Variants in ARHGAP21 observed in about 807,000 individuals in gnomAD.
ARHGAP21 encodes Rho GTPase activating protein 21.
In ARHGAP21, 38 loss-of-function variants were observed where a neutral mutation model predicts 164.6. The observed-to-expected ratio is 0.23, with a 90% CI of 0.18 to 0.30. ARHGAP21 has a LOEUF of 0.30. Ranked by LOEUF, ARHGAP21 falls within the 10% of genes least tolerant of loss-of-function variation. The pLI, the probability that ARHGAP21 is intolerant of heterozygous loss-of-function variation, is 1.00. For missense variants in ARHGAP21, 1,822 were observed against 2,370.7 expected (o/e 0.77, Z 4.81); for synonymous variants, 766 against 857.9 (o/e 0.89, Z 1.87).
intron 9 of ARHGAP21, among the ~76,000 whole-genome samples, chr10:24,608,367 TATCTC>T (rs1302599642): frequency 6.6e-6 from 1 of 152,184 alleles, no homozygotes. Context: ...TACACAAGTG[TATCTC>T]AATTTTTGAA....
At chr10:24,589,351 C>T in intron 24 of ARHGAP21, 49 bp from the exon 25 acceptor site, 1 of 1,523,356 alleles carries the variant, frequency 6.6e-7, no homozygotes, top group Non-Finnish European at 9.0e-7. Context: ...ATCTTTACTG[C>T]TTTCCACAAA....
At chr10:24,717,617 C>T (rs1014844030) in intron 2 of ARHGAP21, among the ~76,000 whole-genome samples, 36 of 151,948 alleles carry the variant, frequency 2.4e-4, no homozygotes, top group African/African-American at 8.7e-4. Context: ...AAGGACCTGA[C>T]AGGAGTTCAA....
chr10:24,722,753 C>T (rs981542126), intron 1 of ARHGAP21: 5 of 151,954 alleles, frequency 3.3e-5, no homozygotes, highest in Admixed American at 1.3e-4. Flanking sequence ...CCGGGTGACT[C>T]GGGCGCCGCC....
chr10:24,605,500 A>G (rs2076986741), intron 11 of ARHGAP21, among the ~76,000 whole-genome samples: 1 of 152,206 alleles, frequency 6.6e-6, no homozygotes, highest in Non-Finnish European at 1.5e-5. Flanking sequence ...CCAACCCTGT[A>G]TCTTTAGGAA....
chr10:24,601,126 T>G (rs2076796777), intron 13 of ARHGAP21, among the ~76,000 whole-genome samples, 196 bp from the exon 14 acceptor site: 1 of 152,202 alleles, frequency 6.6e-6, no homozygotes, highest in African/African-American at 2.4e-5. Flanking sequence ...GGCAGTGTAT[T>G]CATATCAAAG....
At chr10:24,676,848 A>G (rs1841299589) in intron 2 of ARHGAP21, among the ~76,000 whole-genome samples, 1 of 152,236 alleles carries the variant, frequency 6.6e-6, no homozygotes, top group South Asian at 2.1e-4. Flanking sequence ...CTTCTCCTAA[A>G]GAATGAATGT....
chr10:24,719,753 T>G (rs1029914718), intron 2 of ARHGAP21, among the ~76,000 whole-genome samples: 2 of 152,206 alleles, frequency 1.3e-5, no homozygotes, highest in African/African-American at 2.4e-5. Context: ...AGTATTTCAT[T>G]AGCAACTAAC....
intron 9 of ARHGAP21, among the ~76,000 whole-genome samples, chr10:24,614,642 G>A (rs777732026): frequency 2.0e-5 from 3 of 151,816 alleles, no homozygotes; most frequent in Non-Finnish European, 4.4e-5. Context: ...AATTAGCCGG[G>A]TGTGGTGGCA....
At chr10:24,598,932 T>C (rs1035954698) in intron 14 of ARHGAP21, among the ~76,000 whole-genome samples, 9 of 152,114 alleles carry the variant, frequency 5.9e-5, no homozygotes, top group African/African-American at 1.9e-4. Context: ...ATTTTTAGAA[T>C]GGTGGTGATG....
intron 6 of ARHGAP21, 57 bp downstream of exon 6, chr10:24,633,345 T>A (rs765831298): frequency 1.7e-6 from 2 of 1,176,280 alleles, no homozygotes; most frequent in African/African-American, 3.1e-5. Context: ...ATTAAATCTA[T>A]GTGCTCTATT....
At chr10:24,589,238 CT>C (rs766650790) in intron 25 of ARHGAP21, 32 bp downstream of exon 25, 6 of 1,577,274 alleles carry the variant, frequency 3.8e-6, no homozygotes, top group Non-Finnish European at 5.2e-6. Flanking sequence ...CAATTCCCCC[CT>C]AAAATATTTC....
In ARHGAP21 at chr10:24,654,030, C is replaced by T. The variant is rs752292798; in HGVS notation, c.268+12955G>A. Among the ~76,000 whole-genome samples, 26 of 152,192 alleles carry T rather than the reference C, an allele frequency of 1.7e-4. No individual in the cohort carries two copies. In the East Asian group the frequency reaches 1.9e-3, roughly 11 times the overall value. The stretch of plus-strand genomic sequence containing the variant: ...TAAATACAACCAAAGACAAAAACCA[C>T]GATTATCTCAACAGATGCAGAAAAG... On this transcript the variant is annotated intron_variant, in intron 4 of 25. Coordinates refer to ENST00000396432, the MANE Select transcript of ARHGAP21 (RefSeq NM_020824.4).
chr10:24,601,250 A>G (rs2076801038), intron 13 of ARHGAP21, among the ~76,000 whole-genome samples: 1 of 152,222 alleles, frequency 6.6e-6, no homozygotes, highest in Non-Finnish European at 1.5e-5. Flanking sequence ...AAAATTTAAA[A>G]ATCGGTCCAA....
chr10:24,597,924 C>T (rs765914020), intron 15 of ARHGAP21, 21 bp downstream of exon 15: 2 of 1,606,208 alleles, frequency 1.2e-6, no homozygotes, highest in Non-Finnish European at 1.7e-6. Flanking sequence ...AAATTAACTG[C>T]AGGCAAGGTG....
At chr10:24,597,335 G>C in intron 16 of ARHGAP21, 112 bp downstream of exon 16, 1 of 1,348,842 alleles carries the variant, frequency 7.4e-7, no homozygotes, top group Non-Finnish European at 1.0e-6. Flanking sequence ...TGAATTTTGA[G>C]CTAGTTGACA....
intron 3 of ARHGAP21, among the ~76,000 whole-genome samples, 195 bp from the exon 4 acceptor site, chr10:24,667,204 A>G (rs1403683748): frequency 6.6e-6 from 1 of 152,204 alleles, no homozygotes; most frequent in African/African-American, 2.4e-5. Flanking sequence ...GCCCATCTTC[A>G]ATAACAGTAT....
At chr10:24,668,486 T>C (rs1366816622) in intron 3 of ARHGAP21, among the ~76,000 whole-genome samples, 1 of 152,192 alleles carries the variant, frequency 6.6e-6, no homozygotes, top group African/African-American at 2.4e-5. Context: ...TGTCCAGGGT[T>C]AGGCCCCACC....
chr10:24,688,896 C>A (rs2131981509), intron 2 of ARHGAP21, among the ~76,000 whole-genome samples: 1 of 152,252 alleles, frequency 6.6e-6, no homozygotes, highest in South Asian at 2.1e-4. Flanking sequence ...CCCTTCCTCC[C>A]ACTCCAAATC....
intron 2 of ARHGAP21, among the ~76,000 whole-genome samples, chr10:24,716,987 T>C (rs1247747482): frequency 6.6e-6 from 1 of 152,142 alleles, no homozygotes; most frequent in Non-Finnish European, 1.5e-5. Context: ...CAGTTGGATA[T>C]AGGAATCTGA....
Sources: gnomAD v4.1 joint callset for allele counts (sites outside exome capture counted in the v4.1 genomes callset) on GRCh38, gnomAD v4.1.1 for gene constraint, MANE v1.5 for transcripts, NCBI Gene and HGNC (gene_info 2026-07-23, HGNC 2026-07-21) for gene names.